SNX29: variants seen among roughly 807,000 people sequenced by gnomAD.
SNX29 encodes sorting nexin-29.
Under a neutral mutation model 102.1 loss-of-function variants are expected in SNX29, and 78 were observed. The ratio of observed to expected loss-of-function variants is 0.76; its 90% CI spans 0.64 to 0.92. The LOEUF (loss-of-function observed/expected upper bound fraction) is 0.92, where lower values mean the gene tolerates loss of function less well. SNX29 is among the 40% of genes least tolerant of loss of function. The pLI, the probability that SNX29 is intolerant of heterozygous loss-of-function variation, is 0.00. For synonymous variants in SNX29, 580 were observed against 414.5 expected, an observed-to-expected ratio of 1.40 and a Z score of -4.85; for missense variants, 1,280 against 1,061.7, an observed-to-expected ratio of 1.21 and a Z score of -2.86.
At chr16:12,255,596 T>TTGA (rs201320727) in intron 14 of SNX29, among the ~76,000 whole-genome samples, 11,506 of 152,256 alleles carry the variant, frequency 0.076, 1,013 homozygotes, top group African/African-American at 0.21. Context: ...GCTTCTATGC[T>TTGA]CATAAGATTC....
intron 20 of SNX29, among the ~76,000 whole-genome samples, chr16:12,567,458 T>TCC (rs2141558036): frequency 6.6e-6 from 1 of 152,318 alleles, no homozygotes; most frequent in Admixed American, 6.5e-5. Flanking sequence ...AATTTATGTG[T>TCC]CCCCTTATCT....
intron 16 of SNX29, among the ~76,000 whole-genome samples, chr16:12,364,161 T>TTGTTATGTTATGTTATGTTA (rs56227162): frequency 0.032 from 4,361 of 138,430 alleles, 111 homozygotes; most frequent in Admixed American, 0.054. Flanking sequence ...CCTGGCTTGT[T>TTGTTATGTTATGTTATGTTA]TGTTATGTTA....
chr16:12,208,614 G>A (rs796783674), intron 14 of SNX29, among the ~76,000 whole-genome samples: 5 of 152,226 alleles, frequency 3.3e-5, no homozygotes, highest in African/African-American at 1.2e-4. Flanking sequence ...AGAGCCTTCA[G>A]GGAGCCATGA....
At chr16:12,513,722 A>G (rs1399154820) in intron 19 of SNX29, among the ~76,000 whole-genome samples, 1 of 152,136 alleles carries the variant, frequency 6.6e-6, no homozygotes, top group Non-Finnish European at 1.5e-5. Flanking sequence ...TAAATTTGCA[A>G]TTGTATTATT....
At chr16:12,412,275 GA>G (rs1195912412) in intron 18 of SNX29, among the ~76,000 whole-genome samples, 4 of 152,206 alleles carry the variant, frequency 2.6e-5, no homozygotes, top group Non-Finnish European at 5.9e-5. Context: ...ACTCTGGGTT[GA>G]ATGAGTCCCT....
intron 15 of SNX29, among the ~76,000 whole-genome samples, chr16:12,295,983 T>C (rs1194830676): frequency 1.3e-5 from 2 of 152,272 alleles, no homozygotes; most frequent in African/African-American, 4.8e-5. Flanking sequence ...ATATGTTCTG[T>C]GGTAACAACC....
intron 20 of SNX29, among the ~76,000 whole-genome samples, chr16:12,567,070 C>A (rs770394910): frequency 2.3e-4 from 35 of 152,212 alleles, no homozygotes; most frequent in Non-Finnish European, 4.1e-4. Flanking sequence ...TTCAGGGAAC[C>A]CTGCAGGGAT....
chr16:12,097,437 C>G (rs2052814471), intron 11 of SNX29, among the ~76,000 whole-genome samples: 1 of 152,210 alleles, frequency 6.6e-6, no homozygotes, highest in Non-Finnish European at 1.5e-5. Context: ...GCTGGTTGTT[C>G]CCTGCCTCAC....
At position 12,178,678 on chromosome 16, in the gene SNX29, C is replaced by T. The variant is rs150648833; in HGVS notation, c.1596-20923C>T. Among the ~76,000 whole-genome samples the T allele has an allele frequency of 1.8e-3, 275 of 152,314 alleles. 1 individual carries two copies. The highest frequency in any genetic ancestry group is 1.4e-3 in the South Asian group (7 of 4,830). On this transcript the variant is annotated intron_variant, in intron 13 of 20. Transcript: ENST00000566228. ...GTATGGCCCGGGCCCTCTCTGTTAT[C>T]GTGCATACGCAATGCTCTTAGTGGT...
At chr16:12,390,122 C>A (rs527490265) in intron 16 of SNX29, among the ~76,000 whole-genome samples, 16 of 151,378 alleles carry the variant, frequency 1.1e-4, no homozygotes, top group African/African-American at 3.9e-4. Context: ...GAGAGTTTGG[C>A]ATGTTACCCC....
intron 13 of SNX29, among the ~76,000 whole-genome samples, chr16:12,150,390 A>T (rs1011671713): frequency 1.3e-5 from 2 of 152,204 alleles, no homozygotes; most frequent in African/African-American, 4.8e-5. Context: ...AGACTTTGCT[A>T]CCAGGGGTTA....
chr16:12,394,669 A>T (rs1315517967), intron 16 of SNX29, among the ~76,000 whole-genome samples: 1 of 152,078 alleles, frequency 6.6e-6, no homozygotes, highest in Non-Finnish European at 1.5e-5. Context: ...TTCAGATGGG[A>T]TTATTGATCA....
chr16:12,421,511 G>A (rs1307420437), intron 18 of SNX29, among the ~76,000 whole-genome samples: 2 of 152,194 alleles, frequency 1.3e-5, no homozygotes, highest in Non-Finnish European at 2.9e-5. Context: ...AACACATATA[G>A]GGTGTTCAAG....
At position 12,122,620 on chromosome 16, in the gene SNX29, G is replaced by C. The variant is rs376616337; in HGVS notation, c.1403-4013G>C. 2.7e-4 allele frequency among the ~76,000 whole-genome samples: 41 copies of C among 152,256 alleles called. 1 individual carries two copies. The highest frequency in any genetic ancestry group is 9.6e-4 in the African/African-American group (40 of 41,554). On this transcript the variant is annotated intron_variant, in intron 11 of 20. Transcript: ENST00000566228. ...TTCAGTATGGTTGGAGTCTAACCAAGGGGGAGCAAAGGAGATGGGCAGAGG... is the reference window on the plus strand; with the variant it reads ...TTCAGTATGGTTGGAGTCTAACCAACGGGGAGCAAAGGAGATGGGCAGAGG...
At position 12,568,569 on chromosome 16, in the gene SNX29, A is replaced by G; in HGVS notation, c.2382A>G (p.Lys794=). 4 of 1,607,930 alleles carry G rather than the reference A, an allele frequency of 2.5e-6. No individual in the cohort carries two copies. The highest frequency in any genetic ancestry group is 3.4e-6 in the Non-Finnish European group (4 of 1,179,776). ...SRPKAASRFP[K]LSRGQPRETR... Reference sequence around the variant, plus strand: ...CCAAAGCAGCTTCCCGCTTCCCCAAACTGTCCCGGGGTCAGCCCCGGGAGA... The same window carrying G: ...CCAAAGCAGCTTCCCGCTTCCCCAAGCTGTCCCGGGGTCAGCCCCGGGAGA... Residue 794 remains lysine, a synonymous_variant, in exon 21 of 21, where the codon AAA becomes AAG. Coordinates refer to ENST00000566228, the MANE Select transcript of SNX29 (RefSeq NM_032167.5).
Position 12,569,901 on chromosome 16 carries a change from G to C in SNX29, c.*1272G>C, listed in dbSNP as rs1444064684. 1 of 231,910 alleles carries C rather than the reference G, an allele frequency of 4.3e-6. No homozygotes were observed. The highest frequency in any genetic ancestry group is 8.5e-6 in the Non-Finnish European group (1 of 117,240). The allele number at this position is 231,910 out of a possible 1,614,324, so 14.4% of individuals were successfully genotyped here. A position where few individuals can be genotyped will look rare whatever the true frequency, so the allele number is the denominator to read the frequency against. The stretch of plus-strand genomic sequence containing the variant: ...AAGTTTGTGTGTTTCGCCTTAATCT[G>C]AGGCAGAGACACAGCAGAACCTGAG... On this transcript the variant is annotated 3_prime_UTR_variant, in exon 21 of 21. Transcript: ENST00000566228.
intron 13 of SNX29, among the ~76,000 whole-genome samples, chr16:12,192,050 T>TA (rs2076655596): frequency 6.6e-6 from 1 of 152,264 alleles, no homozygotes; most frequent in African/African-American, 2.4e-5. Flanking sequence ...CAAATGTACT[T>TA]ACCAGGTTCG....
At chr16:12,057,141 A>T (rs771626751) in intron 8 of SNX29, among the ~76,000 whole-genome samples, 2 of 152,142 alleles carry the variant, frequency 1.3e-5, no homozygotes, top group Non-Finnish European at 2.9e-5. Flanking sequence ...ATCACTTTAT[A>T]TGTGCTCTAT....
chr16:12,347,105 G>T (rs2081836047), intron 15 of SNX29, among the ~76,000 whole-genome samples: 1 of 152,122 alleles, frequency 6.6e-6, no homozygotes, highest in Non-Finnish European at 1.5e-5. Context: ...TCAGTGTTCT[G>T]AGTGCTGAGG....
Sources: allele counts gnomAD v4.1 joint callset (sites outside exome capture counted in the v4.1 genomes callset), GRCh38; gene constraint gnomAD v4.1.1; transcripts MANE v1.5; gene names NCBI Gene and HGNC (gene_info 2026-07-23, HGNC 2026-07-21).